Variants in COL5A2 observed in about 807,000 individuals in gnomAD.
COL5A2 encodes collagen alpha-2(V) chain.
Under a neutral mutation model 208.2 loss-of-function variants are expected in COL5A2, and 23 were observed. That is an observed-to-expected ratio of 0.11 (90% CI 0.08 to 0.16). COL5A2 has a LOEUF of 0.16. Among genes scored for constraint, COL5A2 ranks in the 10% least tolerant of loss-of-function variants. The pLI, the probability that COL5A2 is intolerant of heterozygous loss-of-function variation, is 1.00. For synonymous variants in COL5A2, 625 were observed against 628.5 expected (o/e 0.99, Z 0.08); for missense variants, 1,590 against 1,956.4 (o/e 0.81, Z 3.53).
intron 32 of COL5A2, 53 bp from the exon 33 acceptor site, chr2:189,058,580 T>C: frequency 6.8e-7 from 1 of 1,476,206 alleles, no homozygotes; most frequent in Non-Finnish European, 9.5e-7. Flanking sequence ...TAAAAATAGG[T>C]CAAAATGTTT....
the COL5A2 span, among the ~76,000 whole-genome samples, chr2:189,289,424 C>T: frequency 1.3e-5 from 2 of 152,064 alleles, no homozygotes; most frequent in Admixed American, 6.6e-5. Context: ...TCACTTCTAA[C>T]ATCATACTCA....
rs114772110 is a variant in COL5A2 at position 189,098,849 on chromosome 2, C to A, written c.370-90G>T. 239 of 927,836 alleles carry A rather than the reference C, an allele frequency of 2.6e-4. 1 individual carries two copies. The African/African-American group carries it at 3.5e-3, about 14-fold the overall frequency. The allele number at this position is 927,836 out of a possible 1,614,324, so 57.5% of individuals were successfully genotyped here. On this transcript the variant is annotated intron_variant, in intron 4 of 53. Transcript: ENST00000374866. ...TAACAAATAAGAATAACAACAAAAACCACAGTAATTTTTTTAACAAATGGA... is the reference window on the plus strand; with the variant it reads ...TAACAAATAAGAATAACAACAAAAAACACAGTAATTTTTTTAACAAATGGA...
chr2:189,271,927 C>T, the COL5A2 span, among the ~76,000 whole-genome samples: 2 of 152,140 alleles, frequency 1.3e-5, no homozygotes, highest in Non-Finnish European at 2.9e-5. Context: ...CATCACTGGT[C>T]GTTAGAGAAA....
At chr2:189,195,422 C>A (rs1334342672) in intron 1 of COL5A2, among the ~76,000 whole-genome samples, 2 of 152,176 alleles carry the variant, frequency 1.3e-5, no homozygotes, top group Non-Finnish European at 2.9e-5. Flanking sequence ...CTATTCCCAT[C>A]AAACTACGAT....
At chr2:189,323,833 T>C in the COL5A2 span, among the ~76,000 whole-genome samples, 1 of 152,138 alleles carries the variant, frequency 6.6e-6, no homozygotes, top group African/African-American at 2.4e-5. Flanking sequence ...TTAAAGTTCA[T>C]ATGGAACCAA....
At chr2:189,232,370 T>G in the COL5A2 span, among the ~76,000 whole-genome samples, 1 of 151,594 alleles carries the variant, frequency 6.6e-6, no homozygotes. Flanking sequence ...ACATCTATAA[T>G]CACAACACAC....
chr2:189,328,636 G>A, the COL5A2 span, among the ~76,000 whole-genome samples: 1 of 152,228 alleles, frequency 6.6e-6, no homozygotes, highest in African/African-American at 2.4e-5. Context: ...GGTAGCAGCT[G>A]CCAAAACATC....
chr2:189,419,169 G>A, the COL5A2 span, among the ~76,000 whole-genome samples: 2 of 152,082 alleles, frequency 1.3e-5, no homozygotes, highest in Non-Finnish European at 2.9e-5. Flanking sequence ...CCTCAATAAT[G>A]TCCCTTATAT....
At chr2:189,177,978 G>A (rs377628101) in intron 1 of COL5A2, among the ~76,000 whole-genome samples, 1 of 152,022 alleles carries the variant, frequency 6.6e-6, no homozygotes, top group African/African-American at 2.4e-5. Context: ...TGTTTTGGTG[G>A]GGGAGGGGAG....
the COL5A2 span, among the ~76,000 whole-genome samples, chr2:189,325,337 A>T: frequency 1.2e-4 from 18 of 147,132 alleles, no homozygotes; most frequent in Admixed American, 3.4e-4. Flanking sequence ...TATATATATA[A>T]ATAAAAAAAT....
chr2:189,392,088 G>C, the COL5A2 span, among the ~76,000 whole-genome samples: 1 of 152,078 alleles, frequency 6.6e-6, no homozygotes, highest in Non-Finnish European at 1.5e-5. Context: ...TTTGAGCAAT[G>C]TTAATATTGG....
chr2:189,114,106 T>A (rs1051300176), intron 1 of COL5A2, among the ~76,000 whole-genome samples: 1 of 152,178 alleles, frequency 6.6e-6, no homozygotes, highest in African/African-American at 2.4e-5. Flanking sequence ...TGAGAATTTA[T>A]AATTAAATTT....
intron 21 of COL5A2, among the ~76,000 whole-genome samples, chr2:189,067,662 A>G (rs1439022010): frequency 6.6e-6 from 1 of 152,186 alleles, no homozygotes; most frequent in Non-Finnish European, 1.5e-5. Context: ...CCTAATTGTC[A>G]TTATAAATTC....
At chr2:189,285,626 A>G in the COL5A2 span, among the ~76,000 whole-genome samples, 1 of 152,190 alleles carries the variant, frequency 6.6e-6, no homozygotes, top group Non-Finnish European at 1.5e-5. Context: ...ATCCCAGGTC[A>G]TCTAACTTGA....
chr2:189,353,568 C>T, the COL5A2 span, among the ~76,000 whole-genome samples: 6 of 152,108 alleles, frequency 3.9e-5, no homozygotes, highest in South Asian at 8.3e-4. Context: ...AATGAGAGTT[C>T]ACTCATGATT....
chr2:189,176,857 A>G (rs915387631), intron 1 of COL5A2, among the ~76,000 whole-genome samples: 5 of 152,224 alleles, frequency 3.3e-5, no homozygotes, highest in African/African-American at 1.2e-4. Flanking sequence ...AGTTTTAACT[A>G]AAGTCAGCCC....
At chr2:189,307,015 G>A in the COL5A2 span, among the ~76,000 whole-genome samples, 1 of 152,024 alleles carries the variant, frequency 6.6e-6, no homozygotes, top group African/African-American at 2.4e-5. Context: ...TGCCTATTTT[G>A]TATGTCTTTG....
chr2:189,342,069 T>C, the COL5A2 span, among the ~76,000 whole-genome samples: 1 of 151,966 alleles, frequency 6.6e-6, no homozygotes, highest in African/African-American at 2.4e-5. Context: ...AATAATGTAC[T>C]ATTTCTGTTT....
the COL5A2 span, among the ~76,000 whole-genome samples, chr2:189,251,980 A>G: frequency 1.3e-5 from 2 of 152,254 alleles, no homozygotes; most frequent in African/African-American, 4.8e-5. Context: ...TCAAAAGAAG[A>G]CATTTATGCA....
Sources: gnomAD v4.1 joint callset for allele counts (sites outside exome capture counted in the v4.1 genomes callset) on GRCh38, gnomAD v4.1.1 for gene constraint, MANE v1.5 for transcripts, NCBI Gene and HGNC (gene_info 2026-07-23, HGNC 2026-07-21) for gene names.